Variants in CHRM2 observed in about 807,000 individuals in gnomAD.
The protein encoded by CHRM2 is muscarinic acetylcholine receptor M2.
CHRM2 carries 8 observed loss-of-function variants against 25.0 expected under a neutral mutation model. That is an observed-to-expected ratio of 0.32 (90% CI 0.19 to 0.58). CHRM2 has a LOEUF of 0.58. Among genes scored for constraint, CHRM2 ranks in the 20% least tolerant of loss-of-function variants. The pLI is 0.88. For missense variants in CHRM2, 440 were observed against 567.1 expected, an observed-to-expected ratio of 0.78 and a Z score of 2.28; for synonymous variants, 202 against 205.7, an observed-to-expected ratio of 0.98 and a Z score of 0.15.
At chr7:136,887,077 A>C (rs1262693041) in intron 2 of CHRM2, among the ~76,000 whole-genome samples, 1 of 152,172 alleles carries the variant, frequency 6.6e-6, no homozygotes, top group African/African-American at 2.4e-5. Context: ...GGTTATTAAC[A>C]GTGTATTGTA....
At position 136,869,124 on chromosome 7, in the gene CHRM2, G is replaced by C. The variant is rs897030506; in HGVS notation, c.-283+132G>C. The C allele has an allele frequency of 6.6e-6, 1 of 152,332 alleles. No individual in the cohort carries two copies. Among genetic ancestry groups the C allele is most frequent in the African/African-American group, 2.4e-5 (1 of 41,444 alleles). 9.4% of individuals were successfully genotyped at this position (152,332 alleles called of 1,614,324 possible). On this transcript the variant is annotated intron_variant, in intron 1 of 3. Coordinates refer to ENST00000680005, the MANE Select transcript of CHRM2 (RefSeq NM_001006630.2). The surrounding 1 kb of genome is among the most constrained non-coding windows in gnomAD (Gnocchi z 4.9). ...TGGCTGAGACGAGTGTGGGGTGCGTGACTCTGCCTGCGCGCGCGCCAGCCC... is the reference window on the plus strand; with the variant it reads ...TGGCTGAGACGAGTGTGGGGTGCGTCACTCTGCCTGCGCGCGCGCCAGCCC...
At chr7:136,955,599 G>A (rs1253558637) in intron 2 of CHRM2, among the ~76,000 whole-genome samples, 1 of 152,100 alleles carries the variant, frequency 6.6e-6, no homozygotes, top group Non-Finnish European at 1.5e-5. Flanking sequence ...GGAATGTCCT[G>A]GCCTTTGTCT....
At chr7:136,903,268 G>A (rs367733780) in intron 2 of CHRM2, 2 of 533,646 alleles carry the variant, frequency 3.7e-6, no homozygotes, top group African/African-American at 3.9e-5. Context: ...ATGCTGTTGA[G>A]CTGTTCACAA....
chr7:136,874,875 T>A (rs1362930806), intron 2 of CHRM2, among the ~76,000 whole-genome samples: 1 of 151,846 alleles, frequency 6.6e-6, no homozygotes, highest in Non-Finnish European at 1.5e-5. Context: ...GGTTTAACAT[T>A]GTTATGAAAA....
chr7:136,925,517 G>A (rs1798694138), intron 2 of CHRM2, among the ~76,000 whole-genome samples: 1 of 151,146 alleles, frequency 6.6e-6, no homozygotes, highest in South Asian at 2.1e-4. Flanking sequence ...CAAAAACAAA[G>A]AACAATGTAA....
intron 2 of CHRM2, among the ~76,000 whole-genome samples, chr7:136,985,374 G>A (rs1802777301): frequency 6.6e-6 from 1 of 151,830 alleles, no homozygotes; most frequent in Non-Finnish European, 1.5e-5. Context: ...GCTGGGTGTG[G>A]TGGCACATGC....
rs894431490 is a variant in CHRM2, at chr7:136,885,143, C to G, written c.-125+15725C>G. ...TGTTTTATTCATCTTCATAGAGACC[C>G]AAAGGAAAAATAATTTGGACAGGGA... On this transcript the variant is annotated intron_variant, in intron 2 of 3. Coordinates refer to ENST00000680005, the MANE Select transcript of CHRM2 (RefSeq NM_001006630.2). 9.2e-5 allele frequency among the ~76,000 whole-genome samples: 14 copies of G among 152,256 alleles called. No individual in the cohort carries two copies. The East Asian group carries it at 1.7e-3, about 19-fold the overall frequency.
intron 2 of CHRM2, among the ~76,000 whole-genome samples, chr7:136,897,466 G>A (rs770621305): frequency 3.9e-5 from 6 of 152,002 alleles, no homozygotes; most frequent in Admixed American, 1.3e-4. Context: ...CCTTTTGGAA[G>A]GTAAAAGTCC....
intron 2 of CHRM2, chr7:136,903,154 T>G: frequency 1.9e-6 from 1 of 534,156 alleles, no homozygotes. Context: ...GAAGAGGATC[T>G]CCCTTCACTT....
At chr7:136,949,319 C>G (rs1005772457) in intron 2 of CHRM2, among the ~76,000 whole-genome samples, 1 of 151,864 alleles carries the variant, frequency 6.6e-6, no homozygotes, top group African/African-American at 2.4e-5. Context: ...TCAGCAAGTG[C>G]TTAATATAAA....
rs367807174 is a variant in CHRM2 at position 136,881,965 on chromosome 7, A to ACTGACC, written c.-125+12549_-125+12554dup. Among the ~76,000 whole-genome samples, 474 of 152,186 alleles carry ACTGACC rather than the reference A, an allele frequency of 3.1e-3. 6 individuals carry two copies. The highest frequency in any genetic ancestry group is 0.011 in the African/African-American group (459 of 41,570). The stretch of plus-strand genomic sequence containing the variant: ...GAAAGACCATTTTATACAAGACCAT[A>ACTGACC]CTGACCCCTAAATAACCTTTAAATG... On this transcript the variant is annotated intron_variant, in intron 2 of 3. Transcript: ENST00000680005.
intron 2 of CHRM2, among the ~76,000 whole-genome samples, chr7:136,981,107 C>A (rs997995986): frequency 1.3e-5 from 2 of 152,164 alleles, no homozygotes; most frequent in South Asian, 4.1e-4. Context: ...TTAATTACTG[C>A]CTCAATTTCA....
chr7:136,918,143 A>T (rs930012944), intron 2 of CHRM2, among the ~76,000 whole-genome samples: 3 of 152,090 alleles, frequency 2.0e-5, no homozygotes, highest in Non-Finnish European at 4.4e-5. Flanking sequence ...TCCCAACCAG[A>T]TCATAAAGCA....
intron 2 of CHRM2, among the ~76,000 whole-genome samples, chr7:136,930,183 A>G (rs772888191): frequency 2.0e-5 from 3 of 152,170 alleles, no homozygotes; most frequent in Non-Finnish European, 4.4e-5. Flanking sequence ...CAGTAATCCC[A>G]GCACTTTGGG....
chr7:136,906,111 GTGTGTGTATATATACACACGTTT>G (rs1425658417), intron 2 of CHRM2, among the ~76,000 whole-genome samples: 33 of 149,948 alleles, frequency 2.2e-4, no homozygotes, highest in East Asian at 9.9e-4. Flanking sequence ...ATGTATATAT[GTGTGTGTATATATACACACGTTT>G]TGTGTGTATA....
At chr7:136,931,081 T>C (rs1237635798) in intron 2 of CHRM2, among the ~76,000 whole-genome samples, 1 of 152,188 alleles carries the variant, frequency 6.6e-6, no homozygotes, top group Non-Finnish European at 1.5e-5. Flanking sequence ...TGATTCGTTC[T>C]AGTTTTCAAT....
intron 2 of CHRM2, among the ~76,000 whole-genome samples, chr7:136,937,285 G>A (rs1441900510): frequency 6.6e-6 from 1 of 152,100 alleles, no homozygotes; most frequent in Admixed American, 6.5e-5. Flanking sequence ...TTTGGGCTCT[G>A]ACAAAAATTC....
chr7:137,015,005 C>T lies in CHRM2; in HGVS notation c.140C>T (p.Ser47Phe). The part of the protein sequence containing the change: ...TIIGNILVMV[S>F]IKVNRHLQTV... ...ATCGGGAACATCCTAGTCATGGTTT[C>T]CATTAAAGTCAACCGCCACCTCCAG... The change falls in exon 4 of 4, where the codon TCC (serine) becomes TTC (phenylalanine). Residue 47 changes from serine to phenylalanine, a missense_variant. Physicochemically the swap from Ser to Phe is radical, Grantham distance 155 (BLOSUM62 -2). Transcript: ENST00000680005. This position sits in a 1 kb window ranked among gnomAD's most constrained non-coding sequence, Gnocchi z 5.1. 1 of 1,613,282 alleles carries T rather than the reference C, an allele frequency of 6.2e-7. No individual in the cohort carries two copies. The highest frequency in any genetic ancestry group is 8.5e-7 in the Non-Finnish European group (1 of 1,179,546).
chr7:136,878,967 T>A (rs1347714170), intron 2 of CHRM2, among the ~76,000 whole-genome samples: 2 of 151,928 alleles, frequency 1.3e-5, no homozygotes, highest in Non-Finnish European at 2.9e-5. Context: ...CAAGTCTCAC[T>A]TCTAGTCAGT....
Sources: allele counts gnomAD v4.1 joint callset (sites outside exome capture counted in the v4.1 genomes callset), GRCh38; gene constraint gnomAD v4.1.1; non-coding constraint Gnocchi (gnomAD v3.1); transcripts MANE v1.5; gene names NCBI Gene and HGNC (gene_info 2026-07-23, HGNC 2026-07-21).